The following NLK variants were observed in gnomAD, a reference collection of about 807,000 sequenced individuals.
NLK encodes the protein nemo like kinase.
In NLK, 11 loss-of-function variants were observed where a neutral mutation model predicts 59.0. The ratio of observed to expected loss-of-function variants is 0.19; its 90% CI spans 0.12 to 0.31. NLK has a LOEUF of 0.31. Among genes scored for constraint, NLK ranks in the 10% least tolerant of loss-of-function variants. NLK has a pLI of 1.00. For synonymous variants in NLK, 235 were observed against 235.9 expected (o/e 1.00, Z 0.03); for missense variants, 410 against 661.1 (o/e 0.62, Z 4.16).
chr17:28,065,038 G>T (rs1379461262), intron 1 of NLK, among the ~76,000 whole-genome samples: 1 of 151,998 alleles, frequency 6.6e-6, no homozygotes, highest in Non-Finnish European at 1.5e-5. Flanking sequence ...AAATTATAAG[G>T]TCAAGGAAGC....
intron 1 of NLK, among the ~76,000 whole-genome samples, chr17:28,094,046 A>C (rs1037972420): frequency 1.3e-5 from 2 of 152,226 alleles, no homozygotes; most frequent in African/African-American, 4.8e-5. Context: ...TAACATTTTT[A>C]CTAGAATATG....
chr17:28,180,975 T>A (rs576030094), intron 7 of NLK, among the ~76,000 whole-genome samples: 1 of 152,308 alleles, frequency 6.6e-6, no homozygotes, highest in South Asian at 2.1e-4. Flanking sequence ...ATACTTAGGC[T>A]GGGCATGGTG....
chr17:28,089,789 T>C (rs1013762124), intron 1 of NLK, among the ~76,000 whole-genome samples: 6 of 152,218 alleles, frequency 3.9e-5, no homozygotes, highest in Non-Finnish European at 8.8e-5. Context: ...CTTGTGGTTA[T>C]AATTTGCATT....
intron 3 of NLK, among the ~76,000 whole-genome samples, chr17:28,134,595 G>A (rs1906659289): frequency 1.3e-5 from 2 of 152,228 alleles, no homozygotes; most frequent in East Asian, 3.9e-4. Flanking sequence ...TCCTCCAAGG[G>A]TCCTGGAACC....
At position 28,144,871 on chromosome 17, in the gene NLK, A is replaced by G. The variant is rs559282690; in HGVS notation, c.644+12196A>G. 3.9e-5 allele frequency among the ~76,000 whole-genome samples: 6 copies of G among 152,334 alleles called. No homozygotes were observed. In the East Asian group the frequency reaches 1.2e-3, roughly 29 times the overall value. ...GGGGCTTTTAGGCACTTCATAGACC[A>G]GCTGAGTCTCCTGCTATCAACCCAA... On this transcript the variant is annotated intron_variant, in intron 3 of 10. Transcript: ENST00000407008.
Position 28,149,124 on chromosome 17 carries a change from A to G in NLK, c.645-12036A>G, listed in dbSNP as rs372808988. Reference sequence around the variant, plus strand: ...GTCGCCAACGCTGGAGTGCAGTGGCAATCAGAGCTCACTGCAGCCTCGAAC... The same window carrying G: ...GTCGCCAACGCTGGAGTGCAGTGGCGATCAGAGCTCACTGCAGCCTCGAAC... On this transcript the variant is annotated intron_variant, in intron 3 of 10. Transcript: ENST00000407008. 2.3e-3 allele frequency among the ~76,000 whole-genome samples: 355 copies of G among 152,306 alleles called. 3 individuals are homozygous for G. Among genetic ancestry groups the G allele is most frequent in the African/African-American group, 8.0e-3 (334 of 41,564 alleles).
At chr17:28,125,824 G>A (rs530071730) in intron 2 of NLK, among the ~76,000 whole-genome samples, 4 of 152,238 alleles carry the variant, frequency 2.6e-5, no homozygotes, top group Admixed American at 6.5e-5. Flanking sequence ...CTTTTTGAAG[G>A]GGTATGTTTA....
chr17:28,120,278 G>A (rs1597692967), intron 1 of NLK, among the ~76,000 whole-genome samples: 1 of 150,336 alleles, frequency 6.7e-6, no homozygotes, highest in African/African-American at 2.4e-5. Context: ...GTGTGTATGT[G>A]TGTGTGTAAA....
intron 1 of NLK, among the ~76,000 whole-genome samples, chr17:28,071,434 CT>C (rs538917495): frequency 0.035 from 4,706 of 132,824 alleles, 160 homozygotes; most frequent in African/African-American, 0.095. Context: ...TAGCTCTCCA[CT>C]TTTTTTTTTT....
intron 1 of NLK, among the ~76,000 whole-genome samples, chr17:28,050,329 A>G (rs905846165): frequency 2.6e-5 from 4 of 152,210 alleles, no homozygotes; most frequent in African/African-American, 9.6e-5. Flanking sequence ...CTGAATGTGC[A>G]GTGCAGTGGG....
chr17:28,084,189 A>C (rs149334993), intron 1 of NLK, among the ~76,000 whole-genome samples: 7 of 152,264 alleles, frequency 4.6e-5, no homozygotes, highest in African/African-American at 7.2e-5. Flanking sequence ...ACTACCTATG[A>C]GTATTGTTTC....
intron 3 of NLK, among the ~76,000 whole-genome samples, chr17:28,140,353 G>T (rs1285129835): frequency 6.6e-6 from 1 of 152,156 alleles, no homozygotes; most frequent in Non-Finnish European, 1.5e-5. Context: ...GGATAGTGCT[G>T]ATGGTTGCAC....
chr17:28,199,679 AAAAAACAAAACAAAAC>A (rs1229982285), downstream of NLK, among the ~76,000 whole-genome samples: 1 of 47,126 alleles, frequency 2.1e-5, no homozygotes, highest in African/African-American at 9.6e-5. Context: ...AAAAAAAAAA[AAAAAACAAAACAAAAC>A]AAAAAAAAAA....
chr17:28,059,674 T>C (rs1313581256), intron 1 of NLK, among the ~76,000 whole-genome samples: 1 of 152,212 alleles, frequency 6.6e-6, no homozygotes, highest in Non-Finnish European at 1.5e-5. Flanking sequence ...TTTTTCAAAT[T>C]AGTGAACAAA....
chr17:28,065,001 T>C (rs1270589004), intron 1 of NLK, among the ~76,000 whole-genome samples: 1 of 152,210 alleles, frequency 6.6e-6, no homozygotes, highest in African/African-American at 2.4e-5. Context: ...CAGTGATTAA[T>C]TAGAAAATCC....
intron 2 of NLK, among the ~76,000 whole-genome samples, chr17:28,131,865 C>G (rs190835657): frequency 6.6e-6 from 1 of 152,066 alleles, no homozygotes; most frequent in Non-Finnish European, 1.5e-5. Flanking sequence ...GGAATAAAAT[C>G]AAAAATGCTT....
At chr17:28,185,135 C>T in intron 7 of NLK, 44 bp from the exon 8 acceptor site, 3 of 1,212,566 alleles carry the variant, frequency 2.5e-6, no homozygotes, top group Non-Finnish European at 2.3e-6. Flanking sequence ...TAGCTGTTTA[C>T]ACAAAGACTC....
At chr17:28,167,724 G>A (rs896597931) in intron 5 of NLK, among the ~76,000 whole-genome samples, 1 of 151,294 alleles carries the variant, frequency 6.6e-6, no homozygotes, top group Non-Finnish European at 1.5e-5. Context: ...AGCCAGGTGT[G>A]GTAGCACATG....
chr17:28,122,356 TAGA>T (rs1906101956), intron 1 of NLK, among the ~76,000 whole-genome samples: 1 of 152,164 alleles, frequency 6.6e-6, no homozygotes, highest in Non-Finnish European at 1.5e-5. Context: ...TAAGTGTTTA[TAGA>T]AATTTAGACA....
Sources: allele counts gnomAD v4.1 joint callset (sites outside exome capture counted in the v4.1 genomes callset), GRCh38; gene constraint gnomAD v4.1.1; transcripts MANE v1.5; gene names NCBI Gene and HGNC (gene_info 2026-07-23, HGNC 2026-07-21).